Variants in CHST1 observed in about 807,000 individuals in gnomAD.
CHST1 encodes the protein Keratan sulfotransferase.
Under a neutral mutation model 22.5 loss-of-function variants are expected in CHST1, and 10 were observed. The ratio of observed to expected loss-of-function variants is 0.44; its 90% CI spans 0.27 to 0.75. The LOEUF (loss-of-function observed/expected upper bound fraction) is 0.75. Ranked by LOEUF, CHST1 falls within the 30% of genes least tolerant of loss-of-function variation. The pLI is 0.15. For synonymous variants in CHST1, 267 were observed against 264.5 expected (o/e 1.01, Z -0.09); for missense variants, 439 against 576.1 (o/e 0.76, Z 2.44).
chr11:45,650,989 T>G, intron 3 of CHST1, 24 bp from the exon 4 acceptor site: 1 of 1,488,180 alleles, frequency 6.7e-7, no homozygotes, highest in Non-Finnish European at 8.9e-7. Context: ...CGGCCAGCGG[T>G]CAGGTGCCTC....
chr11:45,651,251 C>T (rs1564997063), intron 3 of CHST1: 2 of 226,004 alleles, frequency 8.8e-6, no homozygotes, highest in Non-Finnish European at 1.7e-5. Flanking sequence ...AGGGGCCTCA[C>T]GGGGCAAGAG....
chr11:45,659,732 G>T (rs980958603), intron 1 of CHST1, among the ~76,000 whole-genome samples: 1 of 152,222 alleles, frequency 6.6e-6, no homozygotes, highest in Non-Finnish European at 1.5e-5. Flanking sequence ...GCCAAGCAGT[G>T]AGAACTTTGA....
intron 1 of CHST1, among the ~76,000 whole-genome samples, chr11:45,662,400 T>C (rs546179827): frequency 1.4e-4 from 22 of 152,214 alleles, no homozygotes; most frequent in Non-Finnish European, 2.9e-4. Context: ...TGCCTAGCAC[T>C]GTGCCAGGCC....
At chr11:45,656,186 C>T (rs1299843680) in intron 1 of CHST1, among the ~76,000 whole-genome samples, 1 of 152,198 alleles carries the variant, frequency 6.6e-6, no homozygotes, top group African/African-American at 2.4e-5. Context: ...CTTAGAAATG[C>T]CATTAGTGCC....
At chr11:45,663,135 G>A (rs933239331) in intron 1 of CHST1, among the ~76,000 whole-genome samples, 11 of 152,166 alleles carry the variant, frequency 7.2e-5, no homozygotes, top group South Asian at 2.1e-4. Flanking sequence ...AGTTGGGAAA[G>A]TAAAGAGAGA....
rs116703919 is a variant in CHST1, at chr11:45,654,057, C to G, written c.-226-1451G>C. Among the ~76,000 whole-genome samples, 1,238 of 152,302 alleles carry G rather than the reference C, an allele frequency of 8.1e-3. 12 individuals carry two copies. The highest frequency in any genetic ancestry group is 0.028 in the African/African-American group (1,148 of 41,562). ...CTCATATTACACCCTCCTTGGTCCT[C>G]ATCAAGACAGGAAACAGAATCCTTA... On this transcript the variant is annotated intron_variant, in intron 1 of 3. Coordinates refer to ENST00000308064, the MANE Select transcript of CHST1 (RefSeq NM_003654.6).
Position 45,649,725 on chromosome 11 carries a change from C to G in CHST1, c.1199G>C (p.Ser400Thr), listed in dbSNP as rs1167244668. 1.3e-6 allele frequency: 2 copies of G among 1,599,750 alleles called. No individual in the cohort carries two copies. The highest frequency in any genetic ancestry group is 1.7e-6 in the Non-Finnish European group (2 of 1,174,390). The change falls in exon 4 of 4, where the codon AGC becomes ACC. Residue 400 changes from serine (S) to threonine (T), a missense_variant. Ser to Thr is a moderately conservative substitution (Grantham distance 58). Transcript: ENST00000308064. ...SEEELKNPSV[S>T]LVEERDFRPF... ...GCGGAAGTCCCGCTCCTCCACCAGG[C>G]TGACCGAGGGGTTCTTCAGCTCCTC...
intron 1 of CHST1, among the ~76,000 whole-genome samples, chr11:45,664,541 A>G (rs1481268169): frequency 6.6e-6 from 1 of 152,198 alleles, no homozygotes; most frequent in Non-Finnish European, 1.5e-5. Flanking sequence ...CTGGGCTGTT[A>G]CCGCGAAAGC....
Position 45,662,787 on chromosome 11 carries a change from G to A in CHST1, c.-227+2391C>T, listed in dbSNP as rs563677186. On this transcript the variant is annotated intron_variant, in intron 1 of 3. Coordinates refer to ENST00000308064, the MANE Select transcript of CHST1 (RefSeq NM_003654.6). Reference sequence around the variant, plus strand: ...GCCCGGGCACCTAGCCAGAAGGTCCGTGGGAGAAGCAGCAGCCTGCCAAGA... The same window carrying A: ...GCCCGGGCACCTAGCCAGAAGGTCCATGGGAGAAGCAGCAGCCTGCCAAGA... Among the ~76,000 whole-genome samples the A allele has an allele frequency of 1.6e-4, 25 of 152,308 alleles. No individual in the cohort carries two copies. The East Asian group carries it at 4.1e-3, about 25-fold the overall frequency.
In CHST1 at chr11:45,647,839, G is replaced by C. The variant is rs1383253350; in HGVS notation, c.*1849C>G. ...TAAGCCACTATTAGTTAAGGCATTT[G>C]CTAGAGCTGTTGAACTGTCTACATC... On this transcript the variant is annotated 3_prime_UTR_variant, in exon 4 of 4. Coordinates refer to ENST00000308064, the MANE Select transcript of CHST1 (RefSeq NM_003654.6). Among the ~76,000 whole-genome samples, 1 of 152,210 alleles carries C rather than the reference G, an allele frequency of 6.6e-6. No homozygotes were observed. Among genetic ancestry groups the C allele is most frequent in the Non-Finnish European group, 1.5e-5 (1 of 68,038 alleles).
chr11:45,650,256 G>C lies in CHST1; in HGVS notation c.668C>G (p.Pro223Arg), dbSNP rs750719004. ...VNDLRALVED[P>R]RLNLKVIQLV... ...CTGGATGACCTTGAGGTTTAATCGC[G>C]GGTCTTCCACCAGGGCGCGCAGGTC... Residue 223 changes from proline to arginine, a missense_variant, in exon 4 of 4, where the codon CCG (proline) becomes CGG (arginine). Pro to Arg is a moderately radical substitution (Grantham distance 103, BLOSUM62 -2). Transcript: ENST00000308064. 4.2e-5 allele frequency: 67 copies of C among 1,607,254 alleles called. No homozygotes were observed. Among genetic ancestry groups the C allele is most frequent in the Non-Finnish European group, 5.5e-5 (65 of 1,179,316 alleles).
intron 1 of CHST1, among the ~76,000 whole-genome samples, chr11:45,656,622 G>A (rs1852065187): frequency 6.6e-6 from 1 of 152,042 alleles, no homozygotes; most frequent in Non-Finnish European, 1.5e-5. Flanking sequence ...TTAATTTTGG[G>A]GGACACAGTG....
intron 1 of CHST1, among the ~76,000 whole-genome samples, chr11:45,656,554 A>T (rs768176118): frequency 1.3e-5 from 2 of 152,090 alleles, no homozygotes; most frequent in African/African-American, 2.4e-5. Context: ...GGCCTCGAGG[A>T]GACTAGGGTG....
intron 1 of CHST1, among the ~76,000 whole-genome samples, chr11:45,660,055 C>T (rs1446475636): frequency 1.3e-5 from 2 of 152,234 alleles, no homozygotes; most frequent in Non-Finnish European, 2.9e-5. Flanking sequence ...AGTGTCTCTG[C>T]CTGCCATCAA....
intron 1 of CHST1, among the ~76,000 whole-genome samples, chr11:45,660,370 A>C (rs1852115947): frequency 6.6e-6 from 1 of 152,104 alleles, no homozygotes; most frequent in Admixed American, 6.5e-5. Context: ...CTTCCCTTCC[A>C]TCCCCACTCT....
intron 1 of CHST1, among the ~76,000 whole-genome samples, chr11:45,659,319 C>T (rs1332859152): frequency 6.6e-6 from 1 of 152,128 alleles, no homozygotes; most frequent in African/African-American, 2.4e-5. Context: ...AACCCCCAGG[C>T]CACACCCAAG....
chr11:45,649,069 A>C lies in CHST1; in HGVS notation c.*619T>G, dbSNP rs968873322. On this transcript the variant is annotated 3_prime_UTR_variant, in exon 4 of 4. Transcript: ENST00000308064. ...CCAGGGGCGGCCACGAGACTCAGACAGACAGACAGCATCACCACAGACTGG... is the reference window on the plus strand; with the variant it reads ...CCAGGGGCGGCCACGAGACTCAGACCGACAGACAGCATCACCACAGACTGG... The C allele has an allele frequency of 6.6e-6, 1 of 152,484 alleles. No homozygotes were observed. The highest frequency in any genetic ancestry group is 2.4e-5 in the African/African-American group (1 of 41,362). 9.4% of individuals were successfully genotyped at this position (152,484 alleles called of 1,614,324 possible).
chr11:45,655,804 T>G (rs1424773419), intron 1 of CHST1, among the ~76,000 whole-genome samples: 2 of 152,250 alleles, frequency 1.3e-5, no homozygotes, highest in African/African-American at 2.4e-5. Flanking sequence ...GTGCCTCAGT[T>G]ACACCATAGA....
chr11:45,661,592 C>A (rs1322476927), intron 1 of CHST1, among the ~76,000 whole-genome samples: 15 of 152,204 alleles, frequency 9.9e-5, no homozygotes, highest in Non-Finnish European at 2.9e-5. Flanking sequence ...CTGAGAGAGG[C>A]TACAACTAGC....
Sources: allele counts gnomAD v4.1 joint callset (sites outside exome capture counted in the v4.1 genomes callset), GRCh38; gene constraint gnomAD v4.1.1; transcripts MANE v1.5; gene names NCBI Gene and HGNC (gene_info 2026-07-23, HGNC 2026-07-21).